The following LAMA3 variants were observed in gnomAD, a reference collection of about 807,000 sequenced individuals.
The protein encoded by LAMA3 is laminin subunit alpha-3.
Under a neutral mutation model 402.0 loss-of-function variants are expected in LAMA3, and 281 were observed. That is an observed-to-expected ratio of 0.70 (90% CI 0.63 to 0.77). The LOEUF is 0.77. LAMA3 is among the 30% of genes least tolerant of loss of function. The probability of loss-of-function intolerance (pLI) is 0.00; values close to 1 mark genes in which losing one functional copy is unlikely to be tolerated. For synonymous variants in LAMA3, 1,431 were observed against 1,558.4 expected (o/e 0.92, Z 1.93); for missense variants, 3,840 against 4,215.5 (o/e 0.91, Z 2.47).
rs1162005960 is a variant in LAMA3, at chr18:23,826,725, G to C, written c.2595G>C (p.Arg865Ser). ...VLLDYLVLLP[R>S]DYYEASVLQL... Reference sequence around the variant, plus strand: ...AGGATTACCTGGTGCTGCTCCCCAGGGACTACTATGAAGCCTCTGTACTGC... The same window carrying C: ...AGGATTACCTGGTGCTGCTCCCCAGCGACTACTATGAAGCCTCTGTACTGC... The change falls in exon 22 of 75, where the codon AGG becomes AGC. Residue 865 changes from arginine (R) to serine (S), a missense_variant. Around this residue, in one of 3 missense-constraint regions of LAMA3, gnomAD observed 2,109 missense variants for 2,376.0 expected, o/e 0.89. Coordinates refer to ENST00000313654, the MANE Select transcript of LAMA3 (RefSeq NM_198129.4). The C allele has an allele frequency of 6.4e-7, 1 of 1,562,362 alleles. No individual in the cohort carries two copies. Among genetic ancestry groups the C allele is most frequent in the African/African-American group, 1.4e-5 (1 of 74,036 alleles).
At chr18:23,844,637 T>A (rs1182776357) in intron 29 of LAMA3, among the ~76,000 whole-genome samples, 1 of 152,226 alleles carries the variant, frequency 6.6e-6, no homozygotes, top group Non-Finnish European at 1.5e-5. Context: ...AAATCCTGAT[T>A]CATTTGGTCT....
At chr18:23,844,931 GC>G (rs2063779977) in intron 29 of LAMA3, 77 bp from the exon 30 acceptor site, 15 of 856,360 alleles carry the variant, frequency 1.8e-5, no homozygotes, top group East Asian at 7.5e-5. Context: ...GAGTAGGGGT[GC>G]TCAACCTGTA....
chr18:23,739,059 C>T (rs576959125), intron 2 of LAMA3, among the ~76,000 whole-genome samples: 42 of 152,324 alleles, frequency 2.8e-4, no homozygotes, highest in Middle Eastern at 6.8e-3. Context: ...GACAGCTGCC[C>T]AGTGTCCCTT....
intron 8 of LAMA3, among the ~76,000 whole-genome samples, chr18:23,771,442 C>A (rs556911987): frequency 6.6e-6 from 1 of 152,222 alleles, no homozygotes; most frequent in South Asian, 2.1e-4. Flanking sequence ...GAAAGAGGAA[C>A]TTTGGGGTAA....
At chr18:23,801,359 C>T (rs1039219327) in intron 12 of LAMA3, among the ~76,000 whole-genome samples, 6 of 152,094 alleles carry the variant, frequency 3.9e-5, no homozygotes, top group Non-Finnish European at 7.4e-5. Context: ...ATGCTCAGTA[C>T]CTGGGCGATT....
intron 55 of LAMA3, among the ~76,000 whole-genome samples, chr18:23,910,003 A>G (rs953356431): frequency 6.6e-6 from 1 of 152,218 alleles, no homozygotes; most frequent in Non-Finnish European, 1.5e-5. Flanking sequence ...CTTCTAAGAA[A>G]GCAAAGTATT....
chr18:23,876,174 G>A (rs924309960), intron 38 of LAMA3, 120 bp from the exon 39 acceptor site: 3 of 719,124 alleles, frequency 4.2e-6, no homozygotes, highest in East Asian at 2.8e-5. Context: ...GGGCAGCAGA[G>A]TGAGACCCTG....
In LAMA3 at chr18:23,954,616, CCTGTCAGT is replaced by C. The variant is rs1279599091; in HGVS notation, c.9974_9981del (p.Val3325GlufsTer5). ...CACTGAAGCCTTGGAAGTCCAGGGG[CCTGTCAGT>C]CTGAATGGTTGTCCTGACCAGTAAC... On this transcript the variant is annotated frameshift_variant, in exon 75 of 75. Transcript: ENST00000313654. LOFTEE classifies it high-confidence loss of function. The C allele has an allele frequency of 5.0e-6, 8 of 1,613,900 alleles. No homozygotes were observed. The highest frequency in any genetic ancestry group is 5.9e-6 in the Non-Finnish European group (7 of 1,179,992).
At chr18:23,743,290 G>A (rs2061594296) in intron 2 of LAMA3, among the ~76,000 whole-genome samples, 2 of 152,200 alleles carry the variant, frequency 1.3e-5, no homozygotes, top group South Asian at 4.1e-4. Context: ...ACAGGGCAGA[G>A]ATATCCCCCC....
rs34381515 is a variant in LAMA3, at chr18:23,899,392, C to T, written c.5941C>T (p.Arg1981Trp). 724 of 1,613,994 alleles carry T rather than the reference C, an allele frequency of 4.5e-4. 5 individuals are homozygous for T. The African/African-American group carries it at 8.0e-3, about 18-fold the overall frequency. Residue 1981 changes from arginine (R) to tryptophan (W), a missense_variant, in exon 47 of 75, where the codon CGG becomes TGG. Around this residue, in one of 3 missense-constraint regions of LAMA3, gnomAD observed 891 missense variants for 857.5 expected, o/e 1.04. Transcript: ENST00000313654. ...AGCCCAGCGCATGATGAGGGAACTG[C>T]GGAACAGGAACTTTGGAAAGCACCT... is the stretch of plus-strand genomic sequence containing the variant. ...AEAQRMMREL[R>W]NRNFGKHLRE...
intron 5 of LAMA3, among the ~76,000 whole-genome samples, chr18:23,751,383 C>T (rs1295665401): frequency 6.6e-6 from 1 of 152,198 alleles, no homozygotes; most frequent in Non-Finnish European, 1.5e-5. Flanking sequence ...TCCCAAATCT[C>T]AGTGGCTTAA....
chr18:23,751,285 T>C (rs936397470), intron 5 of LAMA3, among the ~76,000 whole-genome samples, 197 bp downstream of exon 5: 1 of 151,934 alleles, frequency 6.6e-6, no homozygotes, highest in African/African-American at 2.4e-5. Context: ...TGAAGAAAAA[T>C]CATTATATTC....
chr18:23,856,682 C>G (rs1035669284), intron 32 of LAMA3, among the ~76,000 whole-genome samples: 5 of 152,142 alleles, frequency 3.3e-5, no homozygotes, highest in African/African-American at 9.7e-5. Context: ...TCCCACCCCC[C>G]ACTGTGCTTT....
At chr18:23,915,572 C>T (rs1457485302) in intron 59 of LAMA3, 150 bp downstream of exon 59, 3 of 727,608 alleles carry the variant, frequency 4.1e-6, no homozygotes, top group Non-Finnish European at 4.9e-6. Flanking sequence ...GTGCATGCAA[C>T]ACTGGCAGTC....
chr18:23,812,644 G>C (rs543921494), intron 13 of LAMA3, among the ~76,000 whole-genome samples: 3 of 152,290 alleles, frequency 2.0e-5, no homozygotes, highest in African/African-American at 7.2e-5. Context: ...GTACGGGTGG[G>C]AACAAGGAGG....
At chr18:23,898,442 A>G (rs1230120189) in intron 44 of LAMA3, 2 of 354,468 alleles carry the variant, frequency 5.6e-6, no homozygotes, top group Admixed American at 8.8e-5. Context: ...AGAATCTGGA[A>G]ATTAATCAGG....
At chr18:23,895,519 G>C (rs1278803948) in intron 44 of LAMA3, among the ~76,000 whole-genome samples, 1 of 152,168 alleles carries the variant, frequency 6.6e-6, no homozygotes, top group Non-Finnish European at 1.5e-5. Flanking sequence ...CTTCTTGAGT[G>C]ATACTTGGTC....
At chr18:23,848,430 G>C (rs1236816977) in intron 32 of LAMA3, among the ~76,000 whole-genome samples, 1 of 152,188 alleles carries the variant, frequency 6.6e-6, no homozygotes, top group Non-Finnish European at 1.5e-5. Flanking sequence ...CTGGGTGGGG[G>C]CTGCAGGGGC....
rs73967623 is a variant in LAMA3, at chr18:23,890,225, C to T, written c.5410+108C>T. 5.8e-3 allele frequency: 4,453 copies of T among 774,092 alleles called. 143 individuals carry two copies. In the African/African-American group the frequency reaches 0.068, roughly 12 times the overall value. 48.0% of individuals were successfully genotyped at this position (774,092 alleles called of 1,614,324 possible). A position where few individuals can be genotyped will look rare whatever the true frequency, so the allele number is the denominator to read the frequency against. On this transcript the variant is annotated intron_variant, in intron 42 of 74. Transcript: ENST00000313654. The stretch of plus-strand genomic sequence containing the variant: ...CAGGATGCATAATACACAATTCCAG[C>T]CAGCAAGCTGTCCCCAGGATGCATA...
Sources: allele counts gnomAD v4.1 joint callset (sites outside exome capture counted in the v4.1 genomes callset), GRCh38; gene constraint gnomAD v4.1.1; regional missense constraint gnomAD v4.1.1; transcripts MANE v1.5; gene names NCBI Gene and HGNC (gene_info 2026-07-23, HGNC 2026-07-21).